EYS: variants seen among roughly 807,000 people sequenced by gnomAD.
The protein encoded by EYS is EGF-like photoreceptor maintenance factor.
EYS carries 250 observed loss-of-function variants against 282.1 expected under a neutral mutation model. The observed-to-expected ratio is 0.89, with a 90% CI of 0.80 to 0.98. The LOEUF (loss-of-function observed/expected upper bound fraction) is 0.98, where lower values mean the gene tolerates loss of function less well. EYS is among the 50% of genes least tolerant of loss of function. EYS has a pLI of 0.00. For missense variants in EYS, 4,016 were observed against 3,709.0 expected (o/e 1.08, Z -2.15); for synonymous variants, 1,355 against 1,282.9 (o/e 1.06, Z -1.20).
intron 26 of EYS, among the ~76,000 whole-genome samples, chr6:64,486,979 A>G (rs1043216453): frequency 6.6e-6 from 1 of 151,378 alleles, no homozygotes; most frequent in Non-Finnish European, 1.5e-5. Flanking sequence ...TAGCTAGGAT[A>G]ATTATTCTAG....
intron 36 of EYS, among the ~76,000 whole-genome samples, chr6:63,836,532 C>T (rs1303344738): frequency 3.3e-5 from 5 of 151,864 alleles, no homozygotes; most frequent in Admixed American, 6.6e-5. Context: ...TAAACTTTGT[C>T]TATTAGAAAT....
At chr6:64,487,472 G>T (rs1776610078) in intron 26 of EYS, among the ~76,000 whole-genome samples, 1 of 150,620 alleles carries the variant, frequency 6.6e-6, no homozygotes, top group South Asian at 2.1e-4. Context: ...AATAAAATAA[G>T]CATAATTGGG....
At chr6:64,492,596 T>C (rs537855226) in intron 26 of EYS, among the ~76,000 whole-genome samples, 4 of 151,436 alleles carry the variant, frequency 2.6e-5, no homozygotes, top group Non-Finnish European at 5.9e-5. Context: ...CAAGGAATTA[T>C]GTAATTAACC....
intron 22 of EYS, among the ~76,000 whole-genome samples, chr6:64,740,451 A>G (rs549808315): frequency 1.4e-3 from 208 of 152,292 alleles, no homozygotes; most frequent in Admixed American, 3.1e-3. Context: ...GAAGCAGAGC[A>G]AAATAGTTTC....
At chr6:64,581,682 G>A (rs1260968703) in intron 26 of EYS, among the ~76,000 whole-genome samples, 2 of 152,154 alleles carry the variant, frequency 1.3e-5, no homozygotes, top group Non-Finnish European at 2.9e-5. Flanking sequence ...ACTGAAGCCA[G>A]TGGCTTGTAT....
At chr6:64,190,195 C>A (rs973275212) in intron 31 of EYS, among the ~76,000 whole-genome samples, 4 of 152,054 alleles carry the variant, frequency 2.6e-5, no homozygotes, top group Non-Finnish European at 4.4e-5. Context: ...TACAAACAAC[C>A]CCTCCATAGG....
intron 2 of EYS, among the ~76,000 whole-genome samples, chr6:65,628,258 C>A (rs1766788715): frequency 6.6e-6 from 1 of 151,974 alleles, no homozygotes. Context: ...TCTGGTGGGG[C>A]CTTGGAGAAC....
At chr6:64,465,711 C>A (rs1360443434) in intron 26 of EYS, among the ~76,000 whole-genome samples, 1 of 146,330 alleles carries the variant, frequency 6.8e-6, no homozygotes, top group African/African-American at 2.5e-5. Flanking sequence ...GGATGTGAAC[C>A]AAAAGCATAG....
chr6:65,519,704 ATATATTTTTT>A (rs1332373216), intron 2 of EYS, among the ~76,000 whole-genome samples: 1 of 36,240 alleles, frequency 2.8e-5, no homozygotes, highest in African/African-American at 1.5e-4. Flanking sequence ...ATATATATAT[ATATATTTTTT>A]TTTTTTTTTT....
At chr6:64,014,580 A>T (rs944807095) in intron 33 of EYS, among the ~76,000 whole-genome samples, 117 of 152,246 alleles carry the variant, frequency 7.7e-4, no homozygotes, top group African/African-American at 2.7e-3. Flanking sequence ...AGAGTAGATG[A>T]CTAGAGATGT....
chr6:65,336,328 A>T (rs1769988603), intron 10 of EYS, among the ~76,000 whole-genome samples: 2 of 151,724 alleles, frequency 1.3e-5, no homozygotes, highest in Non-Finnish European at 2.9e-5. Context: ...TATTTGTTGA[A>T]ATAATATGTT....
At chr6:65,030,041 G>A (rs1772548159) in intron 13 of EYS, among the ~76,000 whole-genome samples, 1 of 152,152 alleles carries the variant, frequency 6.6e-6, no homozygotes, top group Admixed American at 6.5e-5. Flanking sequence ...CAGACCTCCA[G>A]CCTGTGTGGA....
At chr6:65,409,529 T>G (rs1254687790) in intron 5 of EYS, among the ~76,000 whole-genome samples, 1 of 152,188 alleles carries the variant, frequency 6.6e-6, no homozygotes. Flanking sequence ...GAGTAAGGCT[T>G]TGGACAATTG....
At chr6:64,583,964 A>T (rs1048414744) in intron 26 of EYS, among the ~76,000 whole-genome samples, 5 of 152,104 alleles carry the variant, frequency 3.3e-5, no homozygotes, top group African/African-American at 1.2e-4. Context: ...TCCATGCAAG[A>T]TATATATTAT....
chr6:63,726,740 C>T (rs1330997301), intron 41 of EYS, 60 bp from the exon 42 acceptor site: 10 of 1,409,114 alleles, frequency 7.1e-6, no homozygotes. Flanking sequence ...AAACATTGCT[C>T]ATAAATACAA....
chr6:64,060,258 T>C (rs1338309168), intron 33 of EYS, among the ~76,000 whole-genome samples: 1 of 152,146 alleles, frequency 6.6e-6, no homozygotes, highest in Non-Finnish European at 1.5e-5. Context: ...TTAATTACTG[T>C]CAAAATTATA....
intron 5 of EYS, among the ~76,000 whole-genome samples, chr6:65,415,955 A>G (rs1296956201): frequency 6.6e-6 from 1 of 152,072 alleles, no homozygotes; most frequent in Non-Finnish European, 1.5e-5. Context: ...ATAAGTAGAG[A>G]TAAATTTAAC....
At chr6:64,909,777 C>A (rs1326998000) in intron 16 of EYS, among the ~76,000 whole-genome samples, 1 of 151,724 alleles carries the variant, frequency 6.6e-6, no homozygotes, top group African/African-American at 2.4e-5. Context: ...ATATTTTTTA[C>A]TATGTATATA....
intron 30 of EYS, among the ~76,000 whole-genome samples, chr6:64,241,988 T>G (rs1480409886): frequency 6.6e-6 from 1 of 152,174 alleles, no homozygotes; most frequent in Non-Finnish European, 1.5e-5. Flanking sequence ...GTGAGTTTCT[T>G]AATCTTGAGT....
Sources: allele counts gnomAD v4.1 joint callset (sites outside exome capture counted in the v4.1 genomes callset), GRCh38; gene constraint gnomAD v4.1.1; transcripts MANE v1.5; gene names NCBI Gene and HGNC (gene_info 2026-07-23, HGNC 2026-07-21).